Variants in DLGAP2 observed in about 807,000 individuals in gnomAD.
DLGAP2 encodes disks large-associated protein 2.
In DLGAP2, 26 loss-of-function variants were observed where a neutral mutation model predicts 100.3. The ratio of observed to expected loss-of-function variants is 0.26; its 90% CI spans 0.19 to 0.36. The LOEUF is 0.36. DLGAP2 is among the 10% of genes least tolerant of loss of function. The pLI is 1.00. For synonymous variants in DLGAP2, 886 were observed against 630.1 expected, an observed-to-expected ratio of 1.41 and a Z score of -6.08; for missense variants, 1,858 against 1,453.2, an observed-to-expected ratio of 1.28 and a Z score of -4.53.
intron 1 of DLGAP2, among the ~76,000 whole-genome samples, chr8:867,239 C>T (rs1388378314): frequency 6.6e-6 from 1 of 152,218 alleles, no homozygotes; most frequent in African/African-American, 2.4e-5. Context: ...TTGGGTCTTT[C>T]CTGGATGCAA....
At chr8:1,451,109 G>C (rs145169544) in intron 3 of DLGAP2, among the ~76,000 whole-genome samples, 136 of 152,116 alleles carry the variant, frequency 8.9e-4, no homozygotes, top group African/African-American at 2.8e-3. Context: ...GTGGATTCCC[G>C]TTCTGTGGGC....
At chr8:1,586,605 C>T (rs535838892) in intron 6 of DLGAP2, among the ~76,000 whole-genome samples, 11 of 152,294 alleles carry the variant, frequency 7.2e-5, no homozygotes, top group South Asian at 4.1e-4. Flanking sequence ...TGTAGCGTAA[C>T]GTGTTCACAG....
intron 2 of DLGAP2, among the ~76,000 whole-genome samples, chr8:915,091 G>A (rs2129000353): frequency 6.6e-6 from 1 of 152,326 alleles, no homozygotes; most frequent in Middle Eastern, 3.4e-3. Flanking sequence ...CTTAGAGAAG[G>A]ATGGTTCGGG....
chr8:774,066 T>A (rs1821442434), intron 1 of DLGAP2, among the ~76,000 whole-genome samples: 2 of 152,344 alleles, frequency 1.3e-5, no homozygotes, highest in South Asian at 2.1e-4. Context: ...GGTGTCTCAT[T>A]GTGGTTTTGA....
At chr8:1,179,275 G>C (rs565801135) in intron 2 of DLGAP2, among the ~76,000 whole-genome samples, 72 of 152,376 alleles carry the variant, frequency 4.7e-4, no homozygotes, top group Admixed American at 1.5e-3. Flanking sequence ...GAGTGGGGGT[G>C]GGTGAGCACT....
intron 1 of DLGAP2, among the ~76,000 whole-genome samples, chr8:787,869 A>C (rs1408007014): frequency 6.6e-6 from 1 of 152,182 alleles, no homozygotes; most frequent in African/African-American, 2.4e-5. Flanking sequence ...GTGAGGGATG[A>C]GGGGTGACGA....
intron 1 of DLGAP2, among the ~76,000 whole-genome samples, chr8:851,196 C>T (rs144663536): frequency 6.6e-6 from 1 of 152,232 alleles, no homozygotes; most frequent in Non-Finnish European, 1.5e-5. Flanking sequence ...ACACACTGTG[C>T]AGGTGTGCAG....
intron 12 of DLGAP2, among the ~76,000 whole-genome samples, chr8:1,691,191 C>G (rs958376559): frequency 1.3e-5 from 2 of 152,208 alleles, no homozygotes; most frequent in Non-Finnish European, 2.9e-5. Flanking sequence ...TTCACTCACA[C>G]GTGTTCTTGT....
chr8:1,163,265 C>G (rs1796926845), intron 2 of DLGAP2, among the ~76,000 whole-genome samples: 1 of 152,214 alleles, frequency 6.6e-6, no homozygotes. Flanking sequence ...GGGGAGTCCC[C>G]TGTTCTGAGA....
intron 2 of DLGAP2, among the ~76,000 whole-genome samples, chr8:1,136,577 G>A (rs927877963): frequency 2.6e-5 from 4 of 152,184 alleles, no homozygotes; most frequent in Non-Finnish European, 5.9e-5. Flanking sequence ...ACAACATAGG[G>A]CACTCAGATC....
intron 11 of DLGAP2, among the ~76,000 whole-genome samples, chr8:1,677,181 G>C (rs1273671462): frequency 6.6e-6 from 1 of 152,182 alleles, no homozygotes; most frequent in Non-Finnish European, 1.5e-5. Flanking sequence ...TGAGGGCTCA[G>C]CCAATGTGTG....
At chr8:1,513,993 C>G (rs1490318674) in intron 4 of DLGAP2, among the ~76,000 whole-genome samples, 2 of 152,190 alleles carry the variant, frequency 1.3e-5, no homozygotes, top group Non-Finnish European at 2.9e-5. Context: ...CTCACACATC[C>G]CCTCCCCTTC....
intron 8 of DLGAP2, among the ~76,000 whole-genome samples, chr8:1,661,408 T>G (rs1250813673): frequency 6.6e-6 from 1 of 152,198 alleles, no homozygotes; most frequent in African/African-American, 2.4e-5. Context: ...TAAGTTCTGC[T>G]GCTTACTGCA....
At chr8:1,491,795 T>TC (rs879619576) in intron 3 of DLGAP2, among the ~76,000 whole-genome samples, 1 of 152,252 alleles carries the variant, frequency 6.6e-6, no homozygotes, top group Non-Finnish European at 1.5e-5. Flanking sequence ...TTTTTAATTT[T>TC]TTTTCCGAGT....
intron 2 of DLGAP2, among the ~76,000 whole-genome samples, chr8:1,108,104 C>A (rs1207856855): frequency 1.3e-5 from 2 of 152,058 alleles, no homozygotes; most frequent in Non-Finnish European, 2.9e-5. Flanking sequence ...TTTTTCCAAC[C>A]ATGTGAAAGG....
intron 6 of DLGAP2, among the ~76,000 whole-genome samples, chr8:1,591,707 A>C (rs1193702882): frequency 6.6e-6 from 1 of 152,026 alleles, no homozygotes; most frequent in African/African-American, 2.4e-5. Flanking sequence ...GCCAGTTTAC[A>C]CCCCACACAC....
At chr8:1,026,408 C>T (rs981737885) in intron 2 of DLGAP2, among the ~76,000 whole-genome samples, 18 of 152,160 alleles carry the variant, frequency 1.2e-4, no homozygotes, top group African/African-American at 1.7e-4. Context: ...TGGACGAGGA[C>T]GCCCGCCGCC....
At chr8:1,291,957 C>A (rs1236263346) in intron 3 of DLGAP2, among the ~76,000 whole-genome samples, 1 of 152,086 alleles carries the variant, frequency 6.6e-6, no homozygotes, top group African/African-American at 2.4e-5. Flanking sequence ...AATCCAGGGG[C>A]CTGAAAGATG....
intron 1 of DLGAP2, among the ~76,000 whole-genome samples, chr8:756,335 C>A (rs183166178): frequency 1.3e-5 from 2 of 152,042 alleles, no homozygotes; most frequent in Admixed American, 1.3e-4. Flanking sequence ...ACGGCAAAGA[C>A]GATGTCGTTG....
Sources: allele counts gnomAD v4.1 joint callset (sites outside exome capture counted in the v4.1 genomes callset), GRCh38; gene constraint gnomAD v4.1.1; transcripts MANE v1.5; gene names NCBI Gene and HGNC (gene_info 2026-07-23, HGNC 2026-07-21).